Variants in AGTPBP1 observed in about 807,000 individuals in gnomAD.
The protein encoded by AGTPBP1 is cytosolic carboxypeptidase 1.
AGTPBP1 carries 70 observed loss-of-function variants against 143.9 expected under a neutral mutation model. The observed-to-expected ratio is 0.49, with a 90% CI of 0.40 to 0.59. The LOEUF is 0.59. AGTPBP1 is among the 20% of genes least tolerant of loss of function. AGTPBP1 has a pLI of 0.00. For synonymous variants in AGTPBP1, 463 were observed against 500.2 expected (o/e 0.93, Z 0.99); for missense variants, 1,229 against 1,464.5 (o/e 0.84, Z 2.62).
At chr9:85,742,925 T>C (rs185574272), upstream of AGTPBP1, among the ~76,000 whole-genome samples, 227 of 152,314 alleles carry the variant, frequency 1.5e-3, no homozygotes, top group South Asian at 8.1e-3. Flanking sequence ...TATGATCTTG[T>C]TCAAATAAAA....
intron 2 of AGTPBP1, among the ~76,000 whole-genome samples, chr9:85,705,217 T>TA (rs899175527): frequency 0.017 from 2,263 of 131,470 alleles, 19 homozygotes; most frequent in Middle Eastern, 0.053. Flanking sequence ...CAAGAAACAT[T>TA]AAAAAAAAAA....
intron 17 of AGTPBP1, among the ~76,000 whole-genome samples, chr9:85,597,594 CG>C (rs1385416074): frequency 2.6e-5 from 4 of 152,174 alleles, no homozygotes; most frequent in South Asian, 2.1e-4. Context: ...ACTGCTCTAA[CG>C]TTTTTTACAT....
intron 25 of AGTPBP1, among the ~76,000 whole-genome samples, chr9:85,563,626 A>C (rs1826885857): frequency 6.6e-6 from 1 of 152,340 alleles, no homozygotes; most frequent in African/African-American, 2.4e-5. Context: ...TCTATATTGT[A>C]ACAAACGAGA....
Position 85,619,270 on chromosome 9 carries a change from T to G in AGTPBP1, c.2131A>C (p.Lys711Gln), listed in dbSNP as rs1564069889. 1 of 1,612,876 alleles carries G rather than the reference T, an allele frequency of 6.2e-7. No homozygotes were observed. Among genetic ancestry groups the G allele is most frequent in the Non-Finnish European group, 8.5e-7 (1 of 1,179,386 alleles). Residue 711 changes from lysine to glutamine, a missense_variant, in exon 16 of 26, where the codon AAA becomes CAA. Around this residue, in one of 2 missense-constraint regions of AGTPBP1, gnomAD observed 486 missense variants for 652.3 expected, o/e 0.75. Coordinates refer to ENST00000357081, the MANE Select transcript of AGTPBP1 (RefSeq NM_001330701.2). ...YTIPEEGDIL[K>Q]FNSKFESGNL... The stretch of plus-strand genomic sequence containing the variant: ...CCAGACTCAAATTTGGAGTTAAATT[T>G]CAAAATATCTCCCTCTTCTGGAATG...
At chr9:85,659,848 C>T (rs1218508345) in intron 9 of AGTPBP1, among the ~76,000 whole-genome samples, 1 of 152,002 alleles carries the variant, frequency 6.6e-6, no homozygotes, top group Non-Finnish European at 1.5e-5. Flanking sequence ...CAAAGCAAAC[C>T]TAAAAATATC....
intron 17 of AGTPBP1, among the ~76,000 whole-genome samples, chr9:85,598,066 T>C (rs1038676541): frequency 6.6e-6 from 1 of 152,186 alleles, no homozygotes; most frequent in Admixed American, 6.5e-5. Context: ...TGGAATACCA[T>C]GTCAATATGG....
At chr9:85,573,547 G>A (rs578169498) in intron 25 of AGTPBP1, among the ~76,000 whole-genome samples, 4 of 151,866 alleles carry the variant, frequency 2.6e-5, no homozygotes, top group East Asian at 2.0e-4. Context: ...AGTGAGGAGC[G>A]TCTCTGCCTG....
chr9:85,669,024 C>T (rs1375194023), intron 8 of AGTPBP1, among the ~76,000 whole-genome samples: 2 of 140,372 alleles, frequency 1.4e-5, no homozygotes, highest in Admixed American at 7.1e-5. Flanking sequence ...TACACACACA[C>T]ACACACACAC....
chr9:85,694,344 G>A (rs1252760601), intron 2 of AGTPBP1, among the ~76,000 whole-genome samples: 1 of 151,950 alleles, frequency 6.6e-6, no homozygotes, highest in African/African-American at 2.4e-5. Context: ...AGGCACACAA[G>A]TATGATCTAG....
In AGTPBP1 at chr9:85,579,112, A is replaced by C; in HGVS notation, c.3166-16T>G. 1 of 1,571,836 alleles carries C rather than the reference A, an allele frequency of 6.4e-7. No homozygotes were observed. Among genetic ancestry groups the C allele is most frequent in the South Asian group, 1.2e-5 (1 of 83,158 alleles). ...TAGGCAATGTCTGTTAAAAACAAGA[A>C]TGATGATGATAAAATAAACCAAGTT... is the stretch of plus-strand genomic sequence containing the variant. On this transcript the variant is annotated splice_polypyrimidine_tract_variant and intron_variant, in intron 23 of 25. Transcript: ENST00000357081.
chr9:85,580,237 C>CAA (rs1239351591), intron 23 of AGTPBP1, among the ~76,000 whole-genome samples: 17 of 88,446 alleles, frequency 1.9e-4, no homozygotes, highest in African/African-American at 6.3e-4. Context: ...AACTCCATCT[C>CAA]AAAAAAAAAA....
chr9:85,743,806 G>T (rs1008490313), upstream of AGTPBP1, among the ~76,000 whole-genome samples: 2 of 152,052 alleles, frequency 1.3e-5, no homozygotes, highest in Admixed American at 1.3e-4. Context: ...CTAGCATCGT[G>T]GGACCTTGCA....
At chr9:85,581,447 C>T (rs530689692) in intron 23 of AGTPBP1, among the ~76,000 whole-genome samples, 2 of 152,266 alleles carry the variant, frequency 1.3e-5, no homozygotes, top group South Asian at 4.2e-4. Flanking sequence ...CATATGAAGG[C>T]TATAAGCGCA....
intron 2 of AGTPBP1, among the ~76,000 whole-genome samples, chr9:85,701,088 T>C (rs1836618622): frequency 6.6e-6 from 1 of 151,882 alleles, no homozygotes; most frequent in Admixed American, 6.6e-5. Flanking sequence ...AGGCTAAGTT[T>C]TGTATTAGAG....
chr9:85,585,411 C>G, intron 23 of AGTPBP1, 52 bp downstream of exon 23: 1 of 1,483,410 alleles, frequency 6.7e-7, no homozygotes, highest in Non-Finnish European at 9.0e-7. Flanking sequence ...CTTTTCTGTA[C>G]TTTTATGCAT....
Position 85,589,062 on chromosome 9 carries a change from T to C in AGTPBP1, c.2722+466A>G, listed in dbSNP as rs1053003574. Among the ~76,000 whole-genome samples, 26 of 152,236 alleles carry C rather than the reference T, an allele frequency of 1.7e-4. No individual in the cohort carries two copies. The East Asian group carries it at 5.0e-3, about 29-fold the overall frequency. ...TTCGCCTTCTTATCAAAATTGAAAGTTTTATTTTTATTACTACAGTTGTAC... is the reference window on the plus strand; with the variant it reads ...TTCGCCTTCTTATCAAAATTGAAAGCTTTATTTTTATTACTACAGTTGTAC... On this transcript the variant is annotated intron_variant, in intron 20 of 25. Transcript: ENST00000357081.
At chr9:85,717,101 T>C (rs1427795251) in intron 1 of AGTPBP1, among the ~76,000 whole-genome samples, 3 of 152,204 alleles carry the variant, frequency 2.0e-5, no homozygotes, top group African/African-American at 7.2e-5. Flanking sequence ...AACCAACCTA[T>C]TTAATATTGC....
chr9:85,734,865 C>A (rs1405665288), intron 1 of AGTPBP1, among the ~76,000 whole-genome samples: 1 of 151,946 alleles, frequency 6.6e-6, no homozygotes, highest in Non-Finnish European at 1.5e-5. Context: ...AACCCCGTCT[C>A]TACTAAAAAT....
At chr9:85,771,633 A>G in the AGTPBP1 span, among the ~76,000 whole-genome samples, 2 of 150,898 alleles carry the variant, frequency 1.3e-5, no homozygotes, top group African/African-American at 4.9e-5. Flanking sequence ...AAGATGGTGG[A>G]GTGCTTTGAC....
Sources: gnomAD v4.1 joint callset for allele counts (sites outside exome capture counted in the v4.1 genomes callset) on GRCh38, gnomAD v4.1.1 for gene constraint, gnomAD v4.1.1 regional missense constraint, MANE v1.5 for transcripts, NCBI Gene and HGNC (gene_info 2026-07-23, HGNC 2026-07-21) for gene names.